Variants in ZDHHC15 observed in about 807,000 individuals in gnomAD.
ZDHHC15 encodes zDHHC palmitoyltransferase 15, also known as palmitoyltransferase ZDHHC15.
ZDHHC15 carries 19 observed loss-of-function variants against 31.7 expected under a neutral mutation model. The observed-to-expected ratio is 0.60, with a 90% CI of 0.42 to 0.88. The LOEUF (loss-of-function observed/expected upper bound fraction) is 0.88, where lower values mean the gene tolerates loss of function less well. Ranked by LOEUF, ZDHHC15 falls within the 40% of genes least tolerant of loss-of-function variation. The pLI is 0.00. For missense variants in ZDHHC15, 209 were observed against 251.2 expected, an observed-to-expected ratio of 0.83 and a Z score of 1.14; for synonymous variants, 103 against 90.0, an observed-to-expected ratio of 1.14 and a Z score of -0.82.
intron 3 of ZDHHC15, 121 bp from the exon 4 acceptor site, chrX:75,451,043 C>A: frequency 1.2e-6 from 1 of 852,757 alleles, no homozygotes; most frequent in Non-Finnish European, 1.6e-6. Context: ...TCAGGTACCA[C>A]TTAGTCTTAT....
At chrX:75,498,428 A>G (rs996347369) in intron 2 of ZDHHC15, among the ~76,000 whole-genome samples, 2 of 111,952 alleles carry the variant, frequency 1.8e-5, no homozygotes, top group Non-Finnish European at 3.8e-5. Flanking sequence ...GATCTGGTCA[A>G]TGAATGCAGT....
At chrX:75,420,058 C>T (rs753843253) in intron 9 of ZDHHC15, among the ~76,000 whole-genome samples, 204 of 108,940 alleles carry the variant, frequency 1.9e-3, no homozygotes, top group Non-Finnish European at 3.6e-3. Flanking sequence ...ATGTAACAAA[C>T]CTGCACGTTG....
intron 3 of ZDHHC15, among the ~76,000 whole-genome samples, chrX:75,467,385 G>A (rs2084423968): frequency 1.8e-5 from 2 of 111,483 alleles, no homozygotes; most frequent in South Asian, 7.6e-4. Flanking sequence ...ACTGGCTTTT[G>A]TTTGGAATAA....
At chrX:75,477,710 T>A (rs1447790044) in intron 3 of ZDHHC15, among the ~76,000 whole-genome samples, 5 of 112,075 alleles carry the variant, frequency 4.5e-5, no homozygotes, top group South Asian at 3.7e-4. Flanking sequence ...ACTAGTGATA[T>A]CTTTTTCTAG....
intron 1 of ZDHHC15, among the ~76,000 whole-genome samples, chrX:75,521,794 A>G (rs1197454334): frequency 3.6e-5 from 4 of 111,574 alleles, no homozygotes; most frequent in African/African-American, 1.3e-4. Context: ...GTAAGAAGAA[A>G]TAATAATAAG....
intron 4 of ZDHHC15, 180 bp downstream of exon 4, chrX:75,450,622 C>A: frequency 2.1e-6 from 2 of 971,258 alleles, no homozygotes. Flanking sequence ...GTTTACTATA[C>A]AATTCTTCCA....
chrX:75,407,550 G>A (rs2083431358), intron 10 of ZDHHC15, among the ~76,000 whole-genome samples: 1 of 111,182 alleles, frequency 9.0e-6, no homozygotes, highest in Admixed American at 9.3e-5. Context: ...GGAGGGAGGT[G>A]GGGGGCAGCC....
chrX:75,498,936 C>T (rs1200446501), intron 2 of ZDHHC15, among the ~76,000 whole-genome samples: 2 of 111,667 alleles, frequency 1.8e-5, no homozygotes, highest in African/African-American at 6.5e-5. Context: ...TAAAAACAGG[C>T]ACACAGACCA....
At position 75,399,973 on chromosome X, in the gene ZDHHC15, G is replaced by T. The variant is rs1034890008; in HGVS notation, c.967+17114C>A. Among the ~76,000 whole-genome samples the T allele has an allele frequency of 5.4e-5, 6 of 111,500 alleles. No homozygotes were observed. The East Asian group carries it at 1.7e-3, about 31-fold the overall frequency. The stretch of plus-strand genomic sequence containing the variant: ...AAAACATCCAGAAAAGAAGTATATT[G>T]ACTGTACTCAAGCTACACTGCAGTT... On this transcript the variant is annotated intron_variant, in intron 10 of 11. Coordinates refer to ENST00000373367, the MANE Select transcript of ZDHHC15 (RefSeq NM_144969.3).
At chrX:75,444,640 GTATATATATATATATA>G (rs760429265) in intron 4 of ZDHHC15, among the ~76,000 whole-genome samples, 28 of 22,715 alleles carry the variant, frequency 1.2e-3, no homozygotes, top group South Asian at 5.4e-3. Context: ...AAGCAACACT[GTATATATATATATATA>G]TATATATATA....
chrX:75,399,855 C>A (rs933894212), intron 10 of ZDHHC15, among the ~76,000 whole-genome samples: 1 of 111,423 alleles, frequency 9.0e-6, no homozygotes, highest in Admixed American at 9.5e-5. Flanking sequence ...AAAACTTCAA[C>A]ACCAAAAATT....
At chrX:75,444,039 C>T (rs193145739) in intron 4 of ZDHHC15, among the ~76,000 whole-genome samples, 1,490 of 110,294 alleles carry the variant, frequency 0.014, 19 homozygotes, top group African/African-American at 0.046. Context: ...ACTAGTTCAA[C>T]CATTGTGAAA....
chrX:75,414,318 T>A (rs2083520010), intron 10 of ZDHHC15, among the ~76,000 whole-genome samples: 1 of 111,479 alleles, frequency 9.0e-6, no homozygotes, highest in Non-Finnish European at 1.9e-5. Flanking sequence ...ACCTTATAAT[T>A]TGCTGTGCTA....
chrX:75,378,501 G>A (rs1322085632), intron 11 of ZDHHC15, among the ~76,000 whole-genome samples: 2 of 111,866 alleles, frequency 1.8e-5, no homozygotes, highest in Non-Finnish European at 3.8e-5. Flanking sequence ...AGTTTCATCC[G>A]ATCAGAGCTA....
chrX:75,425,075 C>T (rs1304043219), intron 7 of ZDHHC15, among the ~76,000 whole-genome samples: 1 of 110,525 alleles, frequency 9.0e-6, no homozygotes, highest in Non-Finnish European at 1.9e-5. Context: ...ATTCTCGGGC[C>T]ATAATTGGTA....
intron 10 of ZDHHC15, among the ~76,000 whole-genome samples, chrX:75,414,134 A>C (rs1423786033): frequency 8.9e-6 from 1 of 111,983 alleles, no homozygotes; most frequent in Non-Finnish European, 1.9e-5. Flanking sequence ...TAGCCCCAAG[A>C]CTCAAAAGTC....
At chrX:75,409,795 TA>T (rs1189768393) in intron 10 of ZDHHC15, among the ~76,000 whole-genome samples, 1,319 of 35,536 alleles carry the variant, frequency 0.037, 37 homozygotes, top group African/African-American at 0.13. Flanking sequence ...ACCCCATCTC[TA>T]AAAAAAAAAA....
chrX:75,442,063 A>G, intron 4 of ZDHHC15, among the ~76,000 whole-genome samples: 1 of 112,335 alleles, frequency 8.9e-6, no homozygotes, highest in East Asian at 2.8e-4. Context: ...GGTTAATTTT[A>G]TGTGTGAACT....
intron 10 of ZDHHC15, among the ~76,000 whole-genome samples, chrX:75,398,942 C>T (rs906560707): frequency 8.9e-5 from 10 of 112,311 alleles, no homozygotes; most frequent in Admixed American, 8.4e-4. Flanking sequence ...TGGTCTCCAG[C>T]CACTTCCTAC....
Sources: allele counts gnomAD v4.1 joint callset (sites outside exome capture counted in the v4.1 genomes callset), GRCh38; gene constraint gnomAD v4.1.1; transcripts MANE v1.5; gene names NCBI Gene and HGNC (gene_info 2026-07-23, HGNC 2026-07-21).